FAR2: variants seen among roughly 807,000 people sequenced by gnomAD.
FAR2 encodes fatty acyl-CoA reductase 2.
A neutral mutation model predicts 56.0 loss-of-function variants in FAR2; 19 were observed. The ratio of observed to expected loss-of-function variants is 0.34; its 90% CI spans 0.24 to 0.50. FAR2 has a LOEUF of 0.50. FAR2 is among the 20% of genes least tolerant of loss of function. FAR2 has a pLI of 0.98. For synonymous variants in FAR2, 219 were observed against 218.8 expected, an observed-to-expected ratio of 1.00 and a Z score of -0.01; for missense variants, 508 against 642.2, an observed-to-expected ratio of 0.79 and a Z score of 2.26.
intron 1 of FAR2, among the ~76,000 whole-genome samples, chr12:29,211,325 G>A (rs1947544863): frequency 1.3e-5 from 2 of 151,986 alleles, no homozygotes; most frequent in African/African-American, 2.4e-5. Context: ...ATATCTTGTG[G>A]GTGTTCTTAC....
rs1591889220 is a variant in FAR2 at position 29,248,766 on chromosome 12, G to A, written c.-38-21646G>A. ...AGTCTCGACCATAAAAGATGGCCAC[G>A]CCCAGCGGGGCCAGTTTAGAGACCC... is the stretch of plus-strand genomic sequence containing the variant. On this transcript the variant is annotated intron_variant, in intron 1 of 11. Coordinates refer to ENST00000536681, the MANE Select transcript of FAR2 (RefSeq NM_001271783.2). 2.0e-5 allele frequency among the ~76,000 whole-genome samples: 3 copies of A among 152,116 alleles called. No individual in the cohort carries two copies. In the South Asian group the frequency reaches 6.2e-4, roughly 32 times the overall value.
chr12:29,157,056 A>G (rs1369222471), intron 1 of FAR2: 2 of 148,184 alleles, frequency 1.3e-5, no homozygotes, highest in East Asian at 2.0e-4. Context: ...TCTTCATTCA[A>G]TAGACATTTT....
intron 2 of FAR2, among the ~76,000 whole-genome samples, chr12:29,273,656 T>G (rs1591916765): frequency 6.6e-6 from 1 of 152,202 alleles, no homozygotes; most frequent in African/African-American, 2.4e-5. Flanking sequence ...AGACAGCAGG[T>G]GATGGCAGCC....
At chr12:29,237,379 A>G (rs1180976551) in intron 1 of FAR2, among the ~76,000 whole-genome samples, 1 of 152,230 alleles carries the variant, frequency 6.6e-6, no homozygotes, top group Non-Finnish European at 1.5e-5. Flanking sequence ...GAATTGGGAC[A>G]GCGGTAATTG....
At chr12:29,194,763 G>A (rs910397931) in intron 1 of FAR2, among the ~76,000 whole-genome samples, 31 of 152,104 alleles carry the variant, frequency 2.0e-4, no homozygotes, top group African/African-American at 7.5e-4. Flanking sequence ...TACAGAAGAG[G>A]AGCACCTGAG....
At chr12:29,328,084 A>C (rs1351955226) in intron 10 of FAR2, among the ~76,000 whole-genome samples, 1 of 152,242 alleles carries the variant, frequency 6.6e-6, no homozygotes, top group African/African-American at 2.4e-5. Flanking sequence ...CCCATCAAAA[A>C]GTGGGCTAAG....
intron 1 of FAR2, among the ~76,000 whole-genome samples, chr12:29,168,866 C>A (rs7307362): frequency 0.083 from 12,570 of 152,222 alleles, 636 homozygotes; most frequent in African/African-American, 0.14. Flanking sequence ...GCAAGCTTTT[C>A]TTCCCTTATT....
At chr12:29,245,434 A>C (rs1286184811) in intron 1 of FAR2, among the ~76,000 whole-genome samples, 1 of 152,214 alleles carries the variant, frequency 6.6e-6, no homozygotes, top group Non-Finnish European at 1.5e-5. Context: ...TTTATGTGTC[A>C]GTACTCATTA....
chr12:29,237,628 A>G (rs774269910), intron 1 of FAR2, among the ~76,000 whole-genome samples: 2 of 152,212 alleles, frequency 1.3e-5, no homozygotes, highest in African/African-American at 4.8e-5. Flanking sequence ...GAATCTTTTC[A>G]TGGAATATCA....
intron 1 of FAR2, among the ~76,000 whole-genome samples, chr12:29,220,422 A>G (rs2136638492): frequency 6.6e-6 from 1 of 152,286 alleles, no homozygotes; most frequent in Non-Finnish European, 1.5e-5. Context: ...AGAGAGGTGG[A>G]ATTTGTGCTC....
intron 1 of FAR2, among the ~76,000 whole-genome samples, chr12:29,172,781 C>G (rs1949901033): frequency 6.6e-6 from 1 of 152,190 alleles, no homozygotes. Context: ...GATTTTCTTC[C>G]TTTCCCTGAG....
intron 1 of FAR2, among the ~76,000 whole-genome samples, chr12:29,169,528 A>G (rs994061254): frequency 6.6e-6 from 1 of 152,220 alleles, no homozygotes; most frequent in Non-Finnish European, 1.5e-5. Context: ...AGAGGTTGGT[A>G]TAAGAATTTG....
chr12:29,310,951 A>G, intron 6 of FAR2, 77 bp from the exon 7 acceptor site: 3 of 1,048,398 alleles, frequency 2.9e-6, no homozygotes, highest in Non-Finnish European at 4.5e-6. Flanking sequence ...TAGTATAACC[A>G]GTTTGATGAT....
chr12:29,202,870 C>T (rs1348353971), intron 1 of FAR2, among the ~76,000 whole-genome samples: 1 of 152,204 alleles, frequency 6.6e-6, no homozygotes, highest in Non-Finnish European at 1.5e-5. Flanking sequence ...AAATAAACCT[C>T]TTTTCTTTGT....
intron 1 of FAR2, among the ~76,000 whole-genome samples, chr12:29,196,866 G>C (rs963215195): frequency 1.3e-5 from 2 of 152,044 alleles, no homozygotes; most frequent in African/African-American, 4.8e-5. Flanking sequence ...CATGTAACAG[G>C]GGACTAATAT....
chr12:29,246,847 T>C (rs1948135255), intron 1 of FAR2, among the ~76,000 whole-genome samples: 1 of 152,160 alleles, frequency 6.6e-6, no homozygotes, highest in Non-Finnish European at 1.5e-5. Context: ...AAAATAAGTA[T>C]ACTATTTGAA....
chr12:29,153,003 G>A (rs1565674762), intron 1 of FAR2, among the ~76,000 whole-genome samples: 1 of 152,184 alleles, frequency 6.6e-6, no homozygotes, highest in Non-Finnish European at 1.5e-5. Context: ...TTTATGTAAG[G>A]AAAAGGCTGG....
intron 1 of FAR2, among the ~76,000 whole-genome samples, chr12:29,204,349 A>G (rs1947454834): frequency 6.6e-6 from 1 of 152,178 alleles, no homozygotes; most frequent in Non-Finnish European, 1.5e-5. Context: ...CAAGAGGTAC[A>G]TATAAAATGA....
At chr12:29,321,046 T>C (rs1949542606) in intron 9 of FAR2, among the ~76,000 whole-genome samples, 1 of 152,052 alleles carries the variant, frequency 6.6e-6, no homozygotes, top group Non-Finnish European at 1.5e-5. Flanking sequence ...TTTGTGAAAG[T>C]ATCAGGACTG....
Sources: gnomAD v4.1 joint callset for allele counts (sites outside exome capture counted in the v4.1 genomes callset) on GRCh38, gnomAD v4.1.1 for gene constraint, MANE v1.5 for transcripts, NCBI Gene and HGNC (gene_info 2026-07-23, HGNC 2026-07-21) for gene names.